IL1RAPL1: variants seen among roughly 807,000 people sequenced by gnomAD.
IL1RAPL1 encodes interleukin 1 receptor accessory protein like 1.
A neutral mutation model predicts 48.4 loss-of-function variants in IL1RAPL1; 3 were observed. That is an observed-to-expected ratio of 0.06 (90% CI 0.03 to 0.16). The LOEUF (loss-of-function observed/expected upper bound fraction) is 0.16. Among genes scored for constraint, IL1RAPL1 ranks in the 10% least tolerant of loss-of-function variants. The pLI is 1.00. For missense variants in IL1RAPL1, 349 were observed against 530.6 expected, an observed-to-expected ratio of 0.66 and a Z score of 3.36; for synonymous variants, 185 against 187.7, an observed-to-expected ratio of 0.99 and a Z score of 0.12.
At chrX:29,763,822 T>C (rs1928810913) in intron 6 of IL1RAPL1, among the ~76,000 whole-genome samples, 1 of 110,138 alleles carries the variant, frequency 9.1e-6, no homozygotes, top group Non-Finnish European at 1.9e-5. Context: ...CTCAGATTAA[T>C]AGTATATAAT....
At chrX:29,374,501 G>T (rs1445392553) in intron 3 of IL1RAPL1, among the ~76,000 whole-genome samples, 1 of 109,467 alleles carries the variant, frequency 9.1e-6, no homozygotes, top group Non-Finnish European at 1.9e-5. Flanking sequence ...CAATGAAGCT[G>T]CAGAGTCTTA....
rs751434518 is a variant in IL1RAPL1 at position 29,631,327 on chromosome X, G to A, written c.704-37103G>A. ...ACTCTGTCACCCAGACTGGAGTGCA[G>A]TGGCACAATTAGGATTCACTGCGGC... On this transcript the variant is annotated intron_variant, in intron 5 of 10. Coordinates refer to ENST00000378993, the MANE Select transcript of IL1RAPL1 (RefSeq NM_014271.4). Among the ~76,000 whole-genome samples, 257 of 112,094 alleles carry A rather than the reference G, an allele frequency of 2.3e-3. 1 individual carries two copies. The highest frequency in any genetic ancestry group is 7.9e-3 in the African/African-American group (243 of 30,861).
chrX:29,244,122 G>C (rs1196170648), intron 2 of IL1RAPL1, among the ~76,000 whole-genome samples: 1 of 111,957 alleles, frequency 8.9e-6, no homozygotes, highest in Non-Finnish European at 1.9e-5. Flanking sequence ...GACAAATACA[G>C]TCTTCCTGAC....
In IL1RAPL1 at chrX:29,599,699, G is replaced by A. The variant is rs771383612; in HGVS notation, c.704-68731G>A. 4.5e-5 allele frequency among the ~76,000 whole-genome samples: 5 copies of A among 111,950 alleles called. No individual in the cohort carries two copies. The South Asian group carries it at 1.8e-3, about 41-fold the overall frequency. On this transcript the variant is annotated intron_variant, in intron 5 of 10. Transcript: ENST00000378993. ...TAACATAGTCCCAAACTTTTCAGAG[G>A]CTTTGTTCTCTTTTTTGAAATTCTT... is the stretch of plus-strand genomic sequence containing the variant.
chrX:29,582,361 ATTTT>A (rs1272999048), intron 5 of IL1RAPL1, among the ~76,000 whole-genome samples: 21 of 94,985 alleles, frequency 2.2e-4, no homozygotes, highest in African/African-American at 7.0e-4. Flanking sequence ...TTTTTTTTTT[ATTTT>A]TTTATTTTTT....
intron 2 of IL1RAPL1, among the ~76,000 whole-genome samples, chrX:29,205,213 G>C (rs1021397995): frequency 8.9e-6 from 1 of 111,842 alleles, no homozygotes; most frequent in African/African-American, 3.2e-5. Context: ...CAAGGAAAGA[G>C]TCTTTTTCAC....
intron 6 of IL1RAPL1, among the ~76,000 whole-genome samples, chrX:29,913,049 G>A (rs757908228): frequency 9.0e-6 from 1 of 111,004 alleles, no homozygotes; most frequent in South Asian, 3.8e-4. Flanking sequence ...CTCTGACACA[G>A]GTGTGATTAA....
At chrX:29,090,812 T>C (rs892065617) in intron 2 of IL1RAPL1, among the ~76,000 whole-genome samples, 1 of 112,352 alleles carries the variant, frequency 8.9e-6, no homozygotes, top group African/African-American at 3.2e-5. Context: ...GACTTTTACA[T>C]AACTCAGGAA....
At chrX:28,698,091 T>G (rs770600252) in intron 1 of IL1RAPL1, among the ~76,000 whole-genome samples, 40 of 111,523 alleles carry the variant, frequency 3.6e-4, no homozygotes, top group Non-Finnish European at 7.2e-4. Context: ...TGAGAGAGAA[T>G]GAATGAATAC....
intron 3 of IL1RAPL1, among the ~76,000 whole-genome samples, chrX:29,310,109 AAAAAAAAAAAAAAAAAAAAAGAAAGG>A (rs1932693583): frequency 4.7e-5 from 4 of 85,339 alleles, no homozygotes; most frequent in African/African-American, 2.1e-4. Context: ...AAAAAAAAAA[AAAAAAAAAAAAAAAAAAAAAGAAAGG>A]AAAAAAAAAA....
chrX:29,921,666 T>G (rs1487061760), intron 8 of IL1RAPL1, among the ~76,000 whole-genome samples: 2 of 112,462 alleles, frequency 1.8e-5, no homozygotes, highest in Non-Finnish European at 3.8e-5. Context: ...TATCCTGCCA[T>G]AACATCTTCT....
chrX:28,721,172 T>A (rs1262975995), intron 1 of IL1RAPL1, among the ~76,000 whole-genome samples: 2 of 111,819 alleles, frequency 1.8e-5, no homozygotes, highest in Admixed American at 9.5e-5. Context: ...ATCACCACAC[T>A]GCTTCCACAA....
rs186188581 is a variant in IL1RAPL1, at chrX:28,672,573, G to A, written c.-25+84526G>A. On this transcript the variant is annotated intron_variant, in intron 1 of 10. Coordinates refer to ENST00000378993, the MANE Select transcript of IL1RAPL1 (RefSeq NM_014271.4). ...GTTTTCTTCCTGGATCAGGGCCCTG[G>A]CACCCTATCTAACTTCTATTAATTC... Among the ~76,000 whole-genome samples the A allele has an allele frequency of 2.0e-4, 22 of 110,634 alleles. No homozygotes were observed. In the East Asian group the frequency reaches 4.8e-3, roughly 24 times the overall value.
chrX:29,240,383 C>A (rs1250861175), intron 2 of IL1RAPL1, among the ~76,000 whole-genome samples: 1 of 105,156 alleles, frequency 9.5e-6, no homozygotes, highest in Non-Finnish European at 1.9e-5. Flanking sequence ...TATAGGCGCA[C>A]GCCACCTCAC....
chrX:29,103,573 A>T (rs1928389222), intron 2 of IL1RAPL1, among the ~76,000 whole-genome samples: 1 of 108,806 alleles, frequency 9.2e-6, no homozygotes, highest in Non-Finnish European at 1.9e-5. Flanking sequence ...AAAGATTTTT[A>T]GAGTAATACC....
At chrX:28,831,064 G>T (rs987853215) in intron 2 of IL1RAPL1, among the ~76,000 whole-genome samples, 1 of 90,372 alleles carries the variant, frequency 1.1e-5, no homozygotes, top group Non-Finnish European at 2.1e-5. Context: ...GTGTGTGTGT[G>T]TGTGTGTGTG....
At chrX:28,643,369 C>T (rs1406148516) in intron 1 of IL1RAPL1, among the ~76,000 whole-genome samples, 1 of 111,082 alleles carries the variant, frequency 9.0e-6, no homozygotes, top group Non-Finnish European at 1.9e-5. Flanking sequence ...TAAGAGAGGA[C>T]TTTTGGAAGC....
chrX:28,882,561 T>C (rs1387039980), intron 2 of IL1RAPL1, among the ~76,000 whole-genome samples: 4 of 111,855 alleles, frequency 3.6e-5, no homozygotes, highest in Non-Finnish European at 7.5e-5. Flanking sequence ...GAGAATTGCT[T>C]GAACCTGAAA....
intron 5 of IL1RAPL1, among the ~76,000 whole-genome samples, chrX:29,539,117 A>G (rs773327974): frequency 9.0e-6 from 1 of 111,634 alleles, no homozygotes; most frequent in Admixed American, 9.5e-5. Context: ...CACCCAAAAA[A>G]CTACGGACCA....
Sources: gnomAD v4.1 joint callset for allele counts (sites outside exome capture counted in the v4.1 genomes callset) on GRCh38, gnomAD v4.1.1 for gene constraint, MANE v1.5 for transcripts, NCBI Gene and HGNC (gene_info 2026-07-23, HGNC 2026-07-21) for gene names.